The following ADGRL3 variants were observed in gnomAD, a reference collection of about 807,000 sequenced individuals.
The protein encoded by ADGRL3 is calcium-independent alpha-latrotoxin receptor 3.
Under a neutral mutation model 153.5 loss-of-function variants are expected in ADGRL3, and 62 were observed. That is an observed-to-expected ratio of 0.40 (90% CI 0.33 to 0.50). The LOEUF (loss-of-function observed/expected upper bound fraction) is 0.50, where lower values mean the gene tolerates loss of function less well. Ranked by LOEUF, ADGRL3 falls within the 20% of genes least tolerant of loss-of-function variation. The pLI is 0.47. For synonymous variants in ADGRL3, 710 were observed against 672.5 expected, an observed-to-expected ratio of 1.06 and a Z score of -0.86; for missense variants, 1,641 against 1,859.4, an observed-to-expected ratio of 0.88 and a Z score of 2.16.
intron 1 of ADGRL3, among the ~76,000 whole-genome samples, chr4:61,366,516 T>C (rs2096400055): frequency 6.6e-6 from 1 of 152,204 alleles, no homozygotes; most frequent in African/African-American, 2.4e-5. Context: ...TTGGACCAAA[T>C]CCATTTTGCC....
At chr4:61,828,060 C>A (rs1203293972) in intron 9 of ADGRL3, among the ~76,000 whole-genome samples, 3 of 152,100 alleles carry the variant, frequency 2.0e-5, no homozygotes. Flanking sequence ...AAAGATCTTT[C>A]CTGGAAGTTG....
At chr4:61,751,239 AT>A (rs2096753148) in intron 8 of ADGRL3, among the ~76,000 whole-genome samples, 1 of 152,194 alleles carries the variant, frequency 6.6e-6, no homozygotes, top group African/African-American at 2.4e-5. Flanking sequence ...TGAAATGGTA[AT>A]TAATTTTAAC....
At chr4:61,744,233 A>G (rs1471180659) in intron 8 of ADGRL3, among the ~76,000 whole-genome samples, 2 of 152,176 alleles carry the variant, frequency 1.3e-5, no homozygotes, top group Non-Finnish European at 2.9e-5. Flanking sequence ...GAGGAGCCCA[A>G]CACAGCTCAA....
intron 8 of ADGRL3, among the ~76,000 whole-genome samples, chr4:61,750,584 G>A (rs1036042516): frequency 1.3e-5 from 2 of 152,172 alleles, no homozygotes; most frequent in African/African-American, 4.8e-5. Context: ...GAGGTCAGGA[G>A]ATCGAGACCA....
intron 6 of ADGRL3, among the ~76,000 whole-genome samples, chr4:61,697,566 AAAG>A (rs1313138940): frequency 2.0e-5 from 3 of 151,708 alleles, no homozygotes; most frequent in East Asian, 1.9e-4. Flanking sequence ...AAAAAAAAAA[AAAG>A]AAAGAAATAT....
At chr4:61,367,388 TC>T (rs1331777096) in intron 1 of ADGRL3, among the ~76,000 whole-genome samples, 2 of 139,888 alleles carry the variant, frequency 1.4e-5, no homozygotes, top group Non-Finnish European at 3.1e-5. Context: ...CCCTCCCCAC[TC>T]CCCCCACCCC....
intron 25 of ADGRL3, among the ~76,000 whole-genome samples, chr4:62,045,468 A>G (rs1730616166): frequency 6.6e-6 from 1 of 151,930 alleles, no homozygotes. Context: ...TAGAATTATT[A>G]TTTTGTTTTT....
At chr4:61,318,265 T>C (rs986196536) in intron 1 of ADGRL3, among the ~76,000 whole-genome samples, 1 of 150,138 alleles carries the variant, frequency 6.7e-6, no homozygotes, top group Non-Finnish European at 1.5e-5. Flanking sequence ...AGGATAATAT[T>C]ATAAATGAAT....
chr4:61,491,939 A>G (rs1292890333), intron 2 of ADGRL3, among the ~76,000 whole-genome samples: 1 of 152,176 alleles, frequency 6.6e-6, no homozygotes, highest in Non-Finnish European at 1.5e-5. Flanking sequence ...GAACACAGAT[A>G]ACACCCAAGT....
chr4:61,368,785 G>T (rs1161127645), intron 1 of ADGRL3, among the ~76,000 whole-genome samples: 190 of 152,186 alleles, frequency 1.2e-3, no homozygotes, highest in African/African-American at 4.2e-3. Flanking sequence ...GGTAGCTTGA[G>T]GGGGATGGCA....
chr4:61,412,247 A>G (rs908671745), intron 2 of ADGRL3, among the ~76,000 whole-genome samples: 8 of 151,878 alleles, frequency 5.3e-5, no homozygotes, highest in Non-Finnish European at 1.2e-4. Flanking sequence ...GTGCCCAACT[A>G]TTTTTTTAAT....
intron 4 of ADGRL3, among the ~76,000 whole-genome samples, chr4:61,545,156 G>C (rs1057237985): frequency 6.6e-6 from 1 of 152,098 alleles, no homozygotes; most frequent in Non-Finnish European, 1.5e-5. Context: ...TAAAATAGGA[G>C]TTTAAACGGA....
intron 5 of ADGRL3, among the ~76,000 whole-genome samples, chr4:61,645,133 T>C (rs977784776): frequency 1.3e-5 from 2 of 152,038 alleles, no homozygotes; most frequent in African/African-American, 4.8e-5. Context: ...TTTCCATTTT[T>C]TTTGGTAGAT....
At chr4:61,693,870 G>A (rs1361754255) in intron 6 of ADGRL3, among the ~76,000 whole-genome samples, 1 of 152,030 alleles carries the variant, frequency 6.6e-6, no homozygotes, top group Non-Finnish European at 1.5e-5. Context: ...ACTTAGGAGA[G>A]GAGTGAGAAG....
chr4:61,670,339 GT>G (rs2094948419), intron 5 of ADGRL3, among the ~76,000 whole-genome samples: 1 of 152,044 alleles, frequency 6.6e-6, no homozygotes, highest in Non-Finnish European at 1.5e-5. Context: ...TAGATCTATA[GT>G]GCTGTGCAAT....
chr4:61,464,621 A>G (rs1560679092), intron 2 of ADGRL3, among the ~76,000 whole-genome samples: 1 of 152,190 alleles, frequency 6.6e-6, no homozygotes, highest in South Asian at 2.1e-4. Flanking sequence ...ATACATAACT[A>G]ATATGGCAAT....
intron 23 of ADGRL3, among the ~76,000 whole-genome samples, chr4:62,033,270 A>G (rs926452273): frequency 6.6e-6 from 1 of 151,092 alleles, no homozygotes; most frequent in African/African-American, 2.4e-5. Context: ...GTTTTTTTTT[A>G]TCAGATAGGG....
chr4:61,612,733 T>G (rs1195421112), intron 5 of ADGRL3, among the ~76,000 whole-genome samples: 2 of 152,176 alleles, frequency 1.3e-5, no homozygotes, highest in Non-Finnish European at 2.9e-5. Context: ...GTATGCAGAA[T>G]AAAGGGCCAT....
chr4:61,647,414 G>A (rs2094062733), intron 5 of ADGRL3, among the ~76,000 whole-genome samples: 1 of 152,082 alleles, frequency 6.6e-6, no homozygotes, highest in South Asian at 2.1e-4. Context: ...GTAGAACTAG[G>A]GTTTGTCCCC....
Sources: gnomAD v4.1 joint callset for allele counts (sites outside exome capture counted in the v4.1 genomes callset) on GRCh38, gnomAD v4.1.1 for gene constraint, MANE v1.5 for transcripts, NCBI Gene and HGNC (gene_info 2026-07-23, HGNC 2026-07-21) for gene names.